GUCA1C: variants seen among roughly 807,000 people sequenced by gnomAD.
GUCA1C encodes the protein guanylyl cyclase-activating protein 3.
In GUCA1C, 15 loss-of-function variants were observed where a neutral mutation model predicts 16.2. The observed-to-expected ratio is 0.93, with a 90% CI of 0.62 to 1.43. The LOEUF (loss-of-function observed/expected upper bound fraction) is 1.43. Ranked by LOEUF, GUCA1C falls within the 40% of genes most tolerant of loss-of-function variation. GUCA1C has a pLI of 0.00. For missense variants in GUCA1C, 275 were observed against 244.8 expected, an observed-to-expected ratio of 1.12 and a Z score of -0.82; for synonymous variants, 78 against 85.4, an observed-to-expected ratio of 0.91 and a Z score of 0.48.
chr3:108,939,368 G>T (rs2107308829), intron 1 of GUCA1C, among the ~76,000 whole-genome samples: 1 of 75,150 alleles, frequency 1.3e-5, no homozygotes, highest in South Asian at 4.0e-4. Context: ...ATCTTGCTCT[G>T]TCACCCAGGT....
chr3:108,940,639 G>A (rs903659644), intron 1 of GUCA1C, among the ~76,000 whole-genome samples: 2 of 152,184 alleles, frequency 1.3e-5, no homozygotes, highest in African/African-American at 2.4e-5. Flanking sequence ...AGAAATGGCA[G>A]GAAAGCAACT....
At chr3:108,950,235 A>AG (rs772777844) in intron 1 of GUCA1C, among the ~76,000 whole-genome samples, 1 of 152,174 alleles carries the variant, frequency 6.6e-6, no homozygotes, top group Non-Finnish European at 1.5e-5. Context: ...CTGTTTTTTT[A>AG]AGGCTGAATA....
chr3:108,932,167 C>A (rs1273942849), intron 1 of GUCA1C, among the ~76,000 whole-genome samples: 1 of 151,650 alleles, frequency 6.6e-6, no homozygotes, highest in Non-Finnish European at 1.5e-5. Context: ...CTCTTAAGCT[C>A]ACGTTTCCGT....
chr3:108,935,371 A>G (rs1473444165), intron 1 of GUCA1C, among the ~76,000 whole-genome samples: 1 of 152,088 alleles, frequency 6.6e-6, no homozygotes, highest in Non-Finnish European at 1.5e-5. Flanking sequence ...AAAATAAAAA[A>G]TATAAGCACA....
intron 1 of GUCA1C, among the ~76,000 whole-genome samples, chr3:108,951,805 C>G (rs1490246438): frequency 6.6e-6 from 1 of 152,210 alleles, no homozygotes; most frequent in African/African-American, 2.4e-5. Context: ...CGGGCCATTC[C>G]TGTGGTGGAC....
At chr3:108,929,677 C>T (rs2107296108) in intron 1 of GUCA1C, among the ~76,000 whole-genome samples, 1 of 152,228 alleles carries the variant, frequency 6.6e-6, no homozygotes, top group South Asian at 2.1e-4. Flanking sequence ...CATAAAATGC[C>T]ATGATAGAAG....
At chr3:108,953,502 A>AT in intron 1 of GUCA1C, 57 bp downstream of exon 1, 3 of 1,053,832 alleles carry the variant, frequency 2.8e-6, no homozygotes, top group South Asian at 1.4e-5. Flanking sequence ...AAAAAAAAAA[A>AT]GGGAAGAGTG....
chr3:108,922,184 CACACACACACACACACACAT>C (rs780026848), intron 1 of GUCA1C, among the ~76,000 whole-genome samples: 13,708 of 86,238 alleles, frequency 0.16, 774 homozygotes, highest in Non-Finnish European at 0.22. Context: ...CACACACACA[CACACACACACACACACACAT>C]ATATATATGG....
At chr3:108,911,858 A>C (rs4855671) in intron 3 of GUCA1C, among the ~76,000 whole-genome samples, 145,235 of 152,120 alleles carry the variant, frequency 0.95, 69,332 homozygotes, top group East Asian at 0.97. Flanking sequence ...GTAATCCCTG[A>C]ACTTTGGGAG....
intron 1 of GUCA1C, among the ~76,000 whole-genome samples, chr3:108,926,411 A>C (rs1375344893): frequency 6.6e-6 from 1 of 152,212 alleles, no homozygotes. Flanking sequence ...TGGAGCATTT[A>C]GGCCATCTAT....
chr3:108,912,490 G>A (rs4855675), intron 3 of GUCA1C, among the ~76,000 whole-genome samples: 141,282 of 151,944 alleles, frequency 0.93, 65,872 homozygotes, highest in East Asian at 0.97. Context: ...GCTTTTGTTC[G>A]TAATATAAAA....
At chr3:108,916,605 A>G (rs1264411653) in intron 2 of GUCA1C, among the ~76,000 whole-genome samples, 2 of 152,196 alleles carry the variant, frequency 1.3e-5, no homozygotes, top group African/African-American at 4.8e-5. Context: ...TAAAAGGATG[A>G]CCACAATGCT....
Position 108,951,398 on chromosome 3 carries a change from T to C in GUCA1C, c.204+2161A>G, listed in dbSNP as rs369213998. The stretch of plus-strand genomic sequence containing the variant: ...ATGTATCTCATAACATCATGTTGCA[T>C]ACCTTAGACATACACAATAAAATTC... On this transcript the variant is annotated intron_variant, in intron 1 of 3. Coordinates refer to ENST00000261047, the MANE Select transcript of GUCA1C (RefSeq NM_005459.4). Among the ~76,000 whole-genome samples the C allele has an allele frequency of 5.9e-5, 9 of 152,290 alleles. No individual in the cohort carries two copies. The South Asian group carries it at 1.9e-3, about 32-fold the overall frequency.
At chr3:108,949,122 A>G (rs557269200) in intron 1 of GUCA1C, among the ~76,000 whole-genome samples, 8 of 152,292 alleles carry the variant, frequency 5.3e-5, no homozygotes, top group African/African-American at 9.6e-5. Flanking sequence ...TGCTGGGATT[A>G]CAGGCATGAG....
intron 1 of GUCA1C, among the ~76,000 whole-genome samples, chr3:108,934,020 C>T (rs1946696012): frequency 6.6e-6 from 1 of 152,146 alleles, no homozygotes; most frequent in Non-Finnish European, 1.5e-5. Flanking sequence ...AGTTCATGTC[C>T]TTTGCAGGGA....
At chr3:108,933,149 C>T (rs576644027) in intron 1 of GUCA1C, among the ~76,000 whole-genome samples, 2 of 152,116 alleles carry the variant, frequency 1.3e-5, no homozygotes, top group Admixed American at 6.5e-5. Context: ...TATCCTTTTA[C>T]TCCACCAATT....
intron 3 of GUCA1C, among the ~76,000 whole-genome samples, chr3:108,915,757 A>G (rs1946503229): frequency 6.6e-6 from 1 of 152,166 alleles, no homozygotes. Context: ...GAGTTTATTT[A>G]TAAGCTCAAG....
intron 1 of GUCA1C, among the ~76,000 whole-genome samples, chr3:108,951,531 G>A (rs1946895661): frequency 6.6e-6 from 1 of 152,184 alleles, no homozygotes; most frequent in African/African-American, 2.4e-5. Flanking sequence ...GGGGATTCTG[G>A]ACAGTTGCTA....
At chr3:108,936,574 A>G (rs1275254041) in intron 1 of GUCA1C, among the ~76,000 whole-genome samples, 1 of 152,198 alleles carries the variant, frequency 6.6e-6, no homozygotes, top group Non-Finnish European at 1.5e-5. Context: ...GGTTTTTGGT[A>G]CCACCCACTG....
Sources: allele counts gnomAD v4.1 joint callset (sites outside exome capture counted in the v4.1 genomes callset), GRCh38; gene constraint gnomAD v4.1.1; transcripts MANE v1.5; gene names NCBI Gene and HGNC (gene_info 2026-07-23, HGNC 2026-07-21).